The following NRG3 variants were observed in gnomAD, a reference collection of about 807,000 sequenced individuals.
NRG3 encodes neuregulin 3.
Under a neutral mutation model 66.9 loss-of-function variants are expected in NRG3, and 31 were observed. The ratio of observed to expected loss-of-function variants is 0.46; its 90% CI spans 0.35 to 0.63. NRG3 has a LOEUF of 0.63. Among genes scored for constraint, NRG3 ranks in the 20% least tolerant of loss-of-function variants. The pLI, the probability that NRG3 is intolerant of heterozygous loss-of-function variation, is 0.00. For synonymous variants in NRG3, 393 were observed against 359.4 expected (o/e 1.09, Z -1.06); for missense variants, 910 against 878.9 (o/e 1.04, Z -0.45).
intron 3 of NRG3, among the ~76,000 whole-genome samples, chr10:82,772,765 A>G (rs1029561174): frequency 7.7e-6 from 1 of 130,358 alleles, no homozygotes; most frequent in Non-Finnish European, 1.5e-5. Flanking sequence ...GAATATACTG[A>G]TGTGATCATA....
intron 1 of NRG3, among the ~76,000 whole-genome samples, chr10:82,043,782 C>G (rs903215513): frequency 2.6e-5 from 4 of 151,934 alleles, no homozygotes; most frequent in African/African-American, 9.7e-5. Context: ...TTAAGTCATA[C>G]CACAAAATTG....
chr10:82,369,746 A>G (rs1335339542), intron 2 of NRG3, among the ~76,000 whole-genome samples: 1 of 139,018 alleles, frequency 7.2e-6, no homozygotes, highest in Admixed American at 6.8e-5. Flanking sequence ...GAAAAGCAAG[A>G]CTATCATATA....
At chr10:82,102,916 A>G (rs556766412) in intron 1 of NRG3, among the ~76,000 whole-genome samples, 5 of 152,156 alleles carry the variant, frequency 3.3e-5, no homozygotes, top group South Asian at 4.2e-4. Flanking sequence ...ATATTATTCG[A>G]TATTTACCAT....
intron 1 of NRG3, among the ~76,000 whole-genome samples, chr10:82,169,832 A>G (rs890832826): frequency 5.3e-5 from 8 of 151,320 alleles, no homozygotes; most frequent in Non-Finnish European, 1.5e-5. Flanking sequence ...TTCTGAGTCT[A>G]TTGATTTTTC....
chr10:82,008,194 C>T (rs1306470946), intron 1 of NRG3, among the ~76,000 whole-genome samples: 1 of 152,116 alleles, frequency 6.6e-6, no homozygotes, highest in East Asian at 1.9e-4. Flanking sequence ...TACTCTGAAG[C>T]ACAAGTGTAG....
chr10:82,546,166 C>T (rs2043902906), intron 2 of NRG3, among the ~76,000 whole-genome samples: 1 of 152,122 alleles, frequency 6.6e-6, no homozygotes, highest in Non-Finnish European at 1.5e-5. Context: ...TTTGAAAGTG[C>T]ATAACAAAAT....
chr10:82,941,134 C>T (rs548439087), intron 4 of NRG3, among the ~76,000 whole-genome samples: 1 of 152,080 alleles, frequency 6.6e-6, no homozygotes, highest in African/African-American at 2.4e-5. Flanking sequence ...CCCCCACCCC[C>T]AGGCAGCTTT....
chr10:82,689,736 C>G (rs917411764), intron 2 of NRG3, among the ~76,000 whole-genome samples: 1 of 152,134 alleles, frequency 6.6e-6, no homozygotes, highest in African/African-American at 2.4e-5. Flanking sequence ...ATTTTATTTG[C>G]TAGGACTCTG....
intron 1 of NRG3, among the ~76,000 whole-genome samples, chr10:81,923,363 G>C (rs1327165780): frequency 6.6e-6 from 1 of 152,130 alleles, no homozygotes; most frequent in African/African-American, 2.4e-5. Context: ...CCGCCACCGC[G>C]CCCGGCTAAT....
intron 3 of NRG3, among the ~76,000 whole-genome samples, chr10:82,780,553 A>G (rs1413130811): frequency 1.8e-5 from 2 of 113,988 alleles, no homozygotes; most frequent in Non-Finnish European, 3.5e-5. Flanking sequence ...ATTTTATTAT[A>G]TCTTGTACAT....
intron 1 of NRG3, among the ~76,000 whole-genome samples, chr10:82,138,766 C>G (rs887570798): frequency 6.6e-6 from 1 of 152,090 alleles, no homozygotes; most frequent in Non-Finnish European, 1.5e-5. Flanking sequence ...TCAAGAGTCC[C>G]AAAGCTGAAG....
chr10:81,978,208 A>G (rs565796526), intron 1 of NRG3, among the ~76,000 whole-genome samples: 1 of 152,166 alleles, frequency 6.6e-6, no homozygotes, highest in Non-Finnish European at 1.5e-5. Flanking sequence ...CTCTAGTATC[A>G]TCTGTATTAA....
At chr10:82,457,565 C>T (rs961705830) in intron 2 of NRG3, among the ~76,000 whole-genome samples, 1 of 152,146 alleles carries the variant, frequency 6.6e-6, no homozygotes, top group African/African-American at 2.4e-5. Context: ...GTTAGACAAT[C>T]TCTGTGTCTC....
intron 4 of NRG3, among the ~76,000 whole-genome samples, chr10:82,878,081 T>TAAG (rs1452244073): frequency 6.6e-6 from 1 of 152,156 alleles, no homozygotes. Context: ...GGGCCATTTT[T>TAAG]AAGTGAAAGA....
At chr10:82,270,370 G>A (rs1341302754) in intron 1 of NRG3, among the ~76,000 whole-genome samples, 1 of 152,044 alleles carries the variant, frequency 6.6e-6, no homozygotes, top group Non-Finnish European at 1.5e-5. Flanking sequence ...TTACAAATAG[G>A]TCCCTTCCTT....
chr10:82,381,760 G>A (rs1236567487), intron 2 of NRG3, among the ~76,000 whole-genome samples: 1 of 152,016 alleles, frequency 6.6e-6, no homozygotes, highest in Non-Finnish European at 1.5e-5. Context: ...CAATACTCTT[G>A]GAAAACAAGC....
At chr10:82,019,171 T>C (rs2061936300) in intron 1 of NRG3, among the ~76,000 whole-genome samples, 2 of 152,330 alleles carry the variant, frequency 1.3e-5, no homozygotes, top group African/African-American at 2.4e-5. Context: ...GTCAGAGGCC[T>C]TTTCTGCATC....
At chr10:81,983,662 G>C (rs1261044439) in intron 1 of NRG3, among the ~76,000 whole-genome samples, 3 of 151,966 alleles carry the variant, frequency 2.0e-5, no homozygotes, top group Non-Finnish European at 2.9e-5. Context: ...CTTCACCAAG[G>C]GTATCATAAT....
chr10:82,885,767 G>T (rs1842669574), intron 4 of NRG3, among the ~76,000 whole-genome samples: 1 of 152,132 alleles, frequency 6.6e-6, no homozygotes, highest in African/African-American at 2.4e-5. Context: ...TCACCGTGTT[G>T]CCCAGTCTGG....
Sources: gnomAD v4.1 joint callset for allele counts (sites outside exome capture counted in the v4.1 genomes callset) on GRCh38, gnomAD v4.1.1 for gene constraint, MANE v1.5 for transcripts, NCBI Gene and HGNC (gene_info 2026-07-23, HGNC 2026-07-21) for gene names.